PEBP4: variants seen among roughly 807,000 people sequenced by gnomAD.
The protein encoded by PEBP4 is phosphatidylethanolamine binding protein 4.
Under a neutral mutation model 23.9 loss-of-function variants are expected in PEBP4, and 22 were observed. The ratio of observed to expected loss-of-function variants is 0.92; its 90% confidence interval spans 0.66 to 1.31. The LOEUF is 1.31. Among genes scored for constraint, PEBP4 ranks in the 40% most tolerant of loss-of-function variants. The pLI is 0.00. For synonymous variants in PEBP4, 112 were observed against 99.3 expected, an observed-to-expected ratio of 1.13 and a Z score of -0.76; for missense variants, 324 against 281.7, an observed-to-expected ratio of 1.15 and a Z score of -1.07.
intron 4 of PEBP4, chr8:22,756,000 C>A (rs918102498): frequency 6.6e-6 from 1 of 152,200 alleles, no homozygotes; most frequent in Non-Finnish European, 1.5e-5. Context: ...AACGGGGACA[C>A]AACTAAAGGT....
intron 4 of PEBP4, among the ~76,000 whole-genome samples, chr8:22,804,493 G>C (rs775249615): frequency 9.9e-4 from 150 of 151,844 alleles, no homozygotes; most frequent in Non-Finnish European, 1.8e-3. Context: ...TTATTATGAT[G>C]AGGTCACTTA....
In PEBP4 at chr8:22,842,916, C is replaced by T. The variant is rs955270478; in HGVS notation, c.259-25181G>A. On this transcript the variant is annotated intron_variant, in intron 3 of 6. Coordinates refer to ENST00000256404, the MANE Select transcript of PEBP4 (RefSeq NM_144962.3). ...TAACTCTGCTCACTGCAACCTCTGC[C>T]TCCCAGGTTCAAGTGATTCTCATGC... is the stretch of plus-strand genomic sequence containing the variant. Among the ~76,000 whole-genome samples the T allele has an allele frequency of 6.3e-4, 96 of 152,232 alleles. 3 individuals carry two copies. Among genetic ancestry groups the T allele is most frequent in the Non-Finnish European group, 5.9e-5 (4 of 68,048 alleles).
chr8:22,920,733 G>T (rs1457367447), intron 2 of PEBP4, among the ~76,000 whole-genome samples: 2 of 152,210 alleles, frequency 1.3e-5, no homozygotes, highest in Non-Finnish European at 2.9e-5. Flanking sequence ...TCTTATTACA[G>T]AAAGAAAAGC....
chr8:22,715,493 C>T (rs998221426), intron 6 of PEBP4, among the ~76,000 whole-genome samples: 4 of 152,158 alleles, frequency 2.6e-5, no homozygotes, highest in Admixed American at 6.5e-5. Flanking sequence ...GGAACAGGGA[C>T]GAGGGGGCCT....
intron 4 of PEBP4, among the ~76,000 whole-genome samples, chr8:22,806,576 C>T (rs1295950948): frequency 1.4e-5 from 2 of 147,560 alleles, no homozygotes; most frequent in African/African-American, 2.5e-5. Flanking sequence ...GATCATGCCA[C>T]TGCACTCCAG....
At chr8:22,756,346 G>A (rs1047108487) in intron 4 of PEBP4, among the ~76,000 whole-genome samples, 1 of 152,226 alleles carries the variant, frequency 6.6e-6, no homozygotes, top group Non-Finnish European at 1.5e-5. Context: ...ACCCCGGACA[G>A]CCCCAGCTCA....
At chr8:22,733,024 C>T (rs1349366101) in intron 4 of PEBP4, among the ~76,000 whole-genome samples, 2 of 152,216 alleles carry the variant, frequency 1.3e-5, no homozygotes, top group Admixed American at 1.3e-4. Flanking sequence ...GAGCACGGTG[C>T]TGGAAGCCAG....
At position 22,863,795 on chromosome 8, in the gene PEBP4, G is replaced by C. The variant is rs11984466; in HGVS notation, c.259-46060C>G. ...TCTGAGCGATGATACCTGGCTGAAGGACTAGGGAGATGTTAGGCCTGCCTA... is the reference window on the plus strand; with the variant it reads ...TCTGAGCGATGATACCTGGCTGAAGCACTAGGGAGATGTTAGGCCTGCCTA... On this transcript the variant is annotated intron_variant, in intron 3 of 6. Transcript: ENST00000256404. 7.7e-3 allele frequency among the ~76,000 whole-genome samples: 1,166 copies of C among 152,294 alleles called. 14 individuals are homozygous for C. The highest frequency in any genetic ancestry group is 0.026 in the African/African-American group (1,083 of 41,548).
At chr8:22,802,561 CAA>C (rs1806408231) in intron 4 of PEBP4, among the ~76,000 whole-genome samples, 1 of 152,236 alleles carries the variant, frequency 6.6e-6, no homozygotes, top group African/African-American at 2.4e-5. Context: ...CCACAGGTCA[CAA>C]ATCACTAGAG....
intron 3 of PEBP4, among the ~76,000 whole-genome samples, chr8:22,917,303 C>T (rs967274501): frequency 4.6e-5 from 7 of 152,148 alleles, no homozygotes; most frequent in East Asian, 1.9e-4. Context: ...TCAGGCTCCC[C>T]GCACCCTTTT....
intron 3 of PEBP4, among the ~76,000 whole-genome samples, chr8:22,824,728 A>T (rs1339008782): frequency 2.6e-5 from 4 of 152,154 alleles, no homozygotes; most frequent in Non-Finnish European, 5.9e-5. Flanking sequence ...GTTGCAACCT[A>T]GATTCCTTGC....
chr8:22,940,445 G>T (rs553582189), intron 1 of PEBP4, among the ~76,000 whole-genome samples: 4 of 151,092 alleles, frequency 2.6e-5, no homozygotes, highest in Non-Finnish European at 4.4e-5. Context: ...CTCAAATCAC[G>T]CTAGAGTGAA....
At chr8:22,887,952 A>G (rs947285953) in intron 3 of PEBP4, 4 of 152,152 alleles carry the variant, frequency 2.6e-5, no homozygotes, top group African/African-American at 9.7e-5. Flanking sequence ...CCTTATCTGT[A>G]CACCTGCTAA....
chr8:22,732,164 C>A (rs559480813), intron 4 of PEBP4, among the ~76,000 whole-genome samples: 99 of 152,182 alleles, frequency 6.5e-4, no homozygotes, highest in African/African-American at 2.2e-3. Flanking sequence ...AAGTTTGGGA[C>A]TGGAGGGCCC....
rs1186127246 is a variant in PEBP4, at chr8:22,919,858, C to CA, written c.258+325dup. 2.6e-5 allele frequency among the ~76,000 whole-genome samples: 4 copies of CA among 152,338 alleles called. No homozygotes were observed. The East Asian group carries it at 7.7e-4, about 29-fold the overall frequency. ...CCACTTATCTGCCAACTCCAAAGCACACACCAGCTGGTCTCCACCAGGCTT... is the reference window on the plus strand; with the variant it reads ...CCACTTATCTGCCAACTCCAAAGCACAACACCAGCTGGTCTCCACCAGGCTT... On this transcript the variant is annotated intron_variant, in intron 3 of 6. Transcript: ENST00000256404.
intron 3 of PEBP4, among the ~76,000 whole-genome samples, chr8:22,826,326 G>A (rs1275379699): frequency 6.6e-6 from 1 of 152,216 alleles, no homozygotes; most frequent in Non-Finnish European, 1.5e-5. Flanking sequence ...GGAAACTGAG[G>A]CTGCATGCAT....
chr8:22,805,322 GTGTTTTGTTT>G (rs111548827), intron 4 of PEBP4, among the ~76,000 whole-genome samples: 1 of 152,078 alleles, frequency 6.6e-6, no homozygotes, highest in African/African-American at 2.4e-5. Context: ...TAGCAATCGC[GTGTTTTGTTT>G]TGTTTTGTTT....
At chr8:22,732,919 A>C (rs545405102) in intron 4 of PEBP4, among the ~76,000 whole-genome samples, 1 of 152,332 alleles carries the variant, frequency 6.6e-6, no homozygotes, top group East Asian at 1.9e-4. Context: ...TACTCAGGGA[A>C]AGTTGTGGCT....
intron 3 of PEBP4, chr8:22,884,187 G>C (rs901720673): frequency 2.0e-5 from 3 of 152,200 alleles, no homozygotes; most frequent in African/African-American, 4.8e-5. Context: ...CCCACACAGA[G>C]AGCAGACACA....
Sources: allele counts gnomAD v4.1 joint callset (sites outside exome capture counted in the v4.1 genomes callset), GRCh38; gene constraint gnomAD v4.1.1; transcripts MANE v1.5; gene names NCBI Gene and HGNC (gene_info 2026-07-23, HGNC 2026-07-21).